The following CLEC5A variants were observed in gnomAD, a reference collection of about 807,000 sequenced individuals.
CLEC5A encodes C-type lectin domain containing 5A.
CLEC5A carries 15 observed loss-of-function variants against 24.4 expected under a neutral mutation model. The observed-to-expected ratio is 0.62, with a 90% CI of 0.41 to 0.95. The LOEUF (loss-of-function observed/expected upper bound fraction) is 0.95. CLEC5A is among the 40% of genes least tolerant of loss of function. The pLI is 0.00. For synonymous variants in CLEC5A, 71 were observed against 72.6 expected (o/e 0.98, Z 0.11); for missense variants, 211 against 224.0 (o/e 0.94, Z 0.37).
chr7:141,938,213 T>C (rs1554441324), intron 4 of CLEC5A, among the ~76,000 whole-genome samples: 1 of 152,152 alleles, frequency 6.6e-6, no homozygotes, highest in African/African-American at 2.4e-5. Flanking sequence ...AACAGAAATA[T>C]GTGACCTTTT....
Position 141,929,894 on chromosome 7 carries a change from TACTA to T in CLEC5A, c.*206_*209del, listed in dbSNP as rs1320811456. 9 of 545,574 alleles carry T rather than the reference TACTA, an allele frequency of 1.6e-5. No homozygotes were observed. The highest frequency in any genetic ancestry group is 1.3e-4 in the East Asian group (4 of 31,402). The allele number at this position is 545,574 out of a possible 1,614,324, so 33.8% of individuals were successfully genotyped here. A position where few individuals can be genotyped will look rare whatever the true frequency, so the allele number is the denominator to read the frequency against. On this transcript the variant is annotated 3_prime_UTR_variant, in exon 7 of 7. Transcript: ENST00000546910. The stretch of plus-strand genomic sequence containing the variant: ...ACTACAGAAGCGGACCTCATCTCTA[TACTA>T]ACTGAGTTGTTTCCGTAAAACTGAT...
chr7:141,928,148 G>T lies in CLEC5A; in HGVS notation c.*1956C>A, dbSNP rs1272986062. On this transcript the variant is annotated 3_prime_UTR_variant, in exon 7 of 7. Transcript: ENST00000546910. ...AGGATCCAGGAACTCTTCCAATGAT[G>T]AACTTAAACCAAATCCCACATATTC... is the stretch of plus-strand genomic sequence containing the variant. 6.6e-6 allele frequency: 1 copy of T among 151,902 alleles called. No homozygotes were observed. The highest frequency in any genetic ancestry group is 2.1e-4 in the South Asian group (1 of 4,808). The allele number at this position is 151,902 out of a possible 1,614,324, so 9.4% of individuals were successfully genotyped here.
intron 4 of CLEC5A, 81 bp from the exon 5 acceptor site, chr7:141,936,031 C>T: frequency 2.5e-6 from 3 of 1,181,616 alleles, no homozygotes; most frequent in East Asian, 2.3e-5. Context: ...AACAGTGATA[C>T]ATATTTTTGC....
rs1554439746 is a variant in CLEC5A, at chr7:141,928,042, C to A, written c.*2062G>T. 6.6e-6 allele frequency: 1 copy of A among 151,592 alleles called. No individual in the cohort carries two copies. The allele number at this position is 151,592 out of a possible 1,614,324, so 9.4% of individuals were successfully genotyped here. On this transcript the variant is annotated 3_prime_UTR_variant, in exon 7 of 7. Transcript: ENST00000546910. ...CAAAGTGAAAACTCAAATTCAGTGG[C>A]TTGCTAAATTTTCATTGCCTTTTTT...
At chr7:141,940,861 C>G (rs1472701041) in intron 4 of CLEC5A, among the ~76,000 whole-genome samples, 1 of 151,972 alleles carries the variant, frequency 6.6e-6, no homozygotes, top group Non-Finnish European at 1.5e-5. Flanking sequence ...CACATACAAC[C>G]TACCAAGATT....
At chr7:141,946,601 C>T (rs536678031) in intron 1 of CLEC5A, among the ~76,000 whole-genome samples, 1 of 152,206 alleles carries the variant, frequency 6.6e-6, no homozygotes, top group Admixed American at 6.5e-5. Flanking sequence ...AATAATTAAA[C>T]CCTCTCCTGT....
intron 4 of CLEC5A, among the ~76,000 whole-genome samples, chr7:141,939,216 A>G (rs1802714066): frequency 6.6e-6 from 1 of 152,206 alleles, no homozygotes; most frequent in Non-Finnish European, 1.5e-5. Flanking sequence ...ACAACTTTTC[A>G]AGACATAGAC....
intron 5 of CLEC5A, among the ~76,000 whole-genome samples, chr7:141,935,166 A>G (rs1554440909): frequency 6.6e-6 from 1 of 152,228 alleles, no homozygotes; most frequent in Non-Finnish European, 1.5e-5. Context: ...GATAGAAGCG[A>G]GAGAAGCAAG....
intron 4 of CLEC5A, among the ~76,000 whole-genome samples, chr7:141,940,363 G>A (rs1464740828): frequency 6.6e-6 from 1 of 151,350 alleles, no homozygotes; most frequent in Non-Finnish European, 1.5e-5. Context: ...ATTAAGAAAG[G>A]AATTGAAAAA....
chr7:141,944,066 A>G (rs552389505), intron 3 of CLEC5A, 102 bp from the exon 4 acceptor site: 10 of 766,718 alleles, frequency 1.3e-5, no homozygotes, highest in South Asian at 1.3e-4. Flanking sequence ...TGGAGATGAC[A>G]AGAAGCTCTT....
chr7:141,939,004 T>C (rs1554441385), intron 4 of CLEC5A, among the ~76,000 whole-genome samples: 1 of 152,144 alleles, frequency 6.6e-6, no homozygotes, highest in African/African-American at 2.4e-5. Context: ...ATCAGTCCTA[T>C]AAGAATTGCT....
chr7:141,941,082 A>G (rs1554441604), intron 4 of CLEC5A, among the ~76,000 whole-genome samples: 1 of 152,080 alleles, frequency 6.6e-6, no homozygotes. Flanking sequence ...TATTCTATGA[A>G]GCCTACATTA....
chr7:141,946,794 C>G lies in CLEC5A; in HGVS notation c.-21+13G>C, dbSNP rs1802969181. 1 of 152,668 alleles carries G rather than the reference C, an allele frequency of 6.6e-6. No individual in the cohort carries two copies. 9.5% of individuals were successfully genotyped at this position (152,668 alleles called of 1,614,324 possible). ...CAACAGTCCATGCAGCCAAGACAGA[C>G]AGACAGACTCACCTCTTTCTCCCTG... On this transcript the variant is annotated intron_variant, in intron 1 of 6. Transcript: ENST00000546910.
In CLEC5A at chr7:141,933,486, T is replaced by C. The variant is rs533299212; in HGVS notation, c.346-1660A>G. Among the ~76,000 whole-genome samples, 3 of 150,492 alleles carry C rather than the reference T, an allele frequency of 2.0e-5. No homozygotes were observed. The South Asian group carries it at 6.3e-4, about 32-fold the overall frequency. ...AGGCGGCACTGTGCAAGGCCTGATA[T>C]GATGTAAGGTACATGGATGTGCTTT... On this transcript the variant is annotated intron_variant, in intron 5 of 6. Transcript: ENST00000546910.
chr7:141,933,319 T>C (rs1228512517), intron 5 of CLEC5A, among the ~76,000 whole-genome samples: 1 of 151,300 alleles, frequency 6.6e-6, no homozygotes, highest in Admixed American at 6.6e-5. Context: ...TCAGGGAGAG[T>C]ATGGACTTCC....
intron 2 of CLEC5A, chr7:141,945,676 TCC>T: frequency 2.1e-6 from 1 of 476,444 alleles, no homozygotes. Flanking sequence ...CACGTTTCCT[TCC>T]TCATTTATTT....
chr7:141,932,846 G>C (rs1584843309), intron 5 of CLEC5A, among the ~76,000 whole-genome samples: 1 of 152,260 alleles, frequency 6.6e-6, no homozygotes, highest in East Asian at 1.9e-4. Flanking sequence ...AGTTACAACA[G>C]CAGAGACCAA....
chr7:141,937,241 C>T (rs1463181700), intron 4 of CLEC5A, among the ~76,000 whole-genome samples: 1 of 151,884 alleles, frequency 6.6e-6, no homozygotes, highest in Non-Finnish European at 1.5e-5. Flanking sequence ...AGATTCTAGG[C>T]CTTGACTCTT....
rs1802342781 is a variant in CLEC5A, at chr7:141,927,851, A to T, written c.*2253T>A. 1 of 152,246 alleles carries T rather than the reference A, an allele frequency of 6.6e-6. No homozygotes were observed. The highest frequency in any genetic ancestry group is 2.1e-4 in the South Asian group (1 of 4,832). The allele number at this position is 152,246 out of a possible 1,614,324, so 9.4% of individuals were successfully genotyped here. A position where few individuals can be genotyped will look rare whatever the true frequency, so the allele number is the denominator to read the frequency against. On this transcript the variant is annotated 3_prime_UTR_variant, in exon 7 of 7. Transcript: ENST00000546910. ...AAGATCTCAACTTCAAATCCTCCAC[A>T]AAATGCTTCTCCTAATGTCTAATGC...
Sources: gnomAD v4.1 joint callset for allele counts (sites outside exome capture counted in the v4.1 genomes callset) on GRCh38, gnomAD v4.1.1 for gene constraint, MANE v1.5 for transcripts, NCBI Gene and HGNC (gene_info 2026-07-23, HGNC 2026-07-21) for gene names.